The following GRIK2 variants were observed in gnomAD, a reference collection of about 807,000 sequenced individuals.
The protein encoded by GRIK2 is glutamate receptor ionotropic, kainate 2.
GRIK2 carries 32 observed loss-of-function variants against 100.3 expected under a neutral mutation model. The ratio of observed to expected loss-of-function variants is 0.32; its 90% confidence interval spans 0.24 to 0.43. The LOEUF (loss-of-function observed/expected upper bound fraction) is 0.43. Ranked by LOEUF, GRIK2 falls within the 20% of genes least tolerant of loss-of-function variation. GRIK2 has a pLI of 1.00. For synonymous variants in GRIK2, 417 were observed against 389.4 expected, an observed-to-expected ratio of 1.07 and a Z score of -0.83; for missense variants, 843 against 1,114.9, an observed-to-expected ratio of 0.76 and a Z score of 3.47.
chr6:101,564,620 T>C (rs1269793261), intron 2 of GRIK2, among the ~76,000 whole-genome samples: 1 of 152,152 alleles, frequency 6.6e-6, no homozygotes, highest in African/African-American at 2.4e-5. Context: ...TCTCATTTTC[T>C]ACCAGACACT....
At chr6:101,700,429 T>C (rs1374740909) in intron 7 of GRIK2, among the ~76,000 whole-genome samples, 1 of 151,896 alleles carries the variant, frequency 6.6e-6, no homozygotes, top group Non-Finnish European at 1.5e-5. Flanking sequence ...AGGAAGGCCA[T>C]TTAGGAAGAA....
At chr6:101,709,475 G>T (rs925562745) in intron 7 of GRIK2, among the ~76,000 whole-genome samples, 10 of 151,838 alleles carry the variant, frequency 6.6e-5, no homozygotes, top group Middle Eastern at 3.4e-3. Flanking sequence ...AAATTACAAA[G>T]ATACCTAATA....
chr6:101,558,965 C>A (rs903694902), intron 2 of GRIK2, among the ~76,000 whole-genome samples: 5 of 151,906 alleles, frequency 3.3e-5, no homozygotes, highest in African/African-American at 4.8e-5. Flanking sequence ...TTTCTGTATT[C>A]TTTATCTCGT....
chr6:101,764,534 T>A (rs1298423580), intron 7 of GRIK2, among the ~76,000 whole-genome samples: 3 of 152,182 alleles, frequency 2.0e-5, no homozygotes, highest in Non-Finnish European at 4.4e-5. Context: ...AGTGTATTTC[T>A]AATAGCATTT....
At chr6:101,451,895 A>G (rs569554291) in intron 2 of GRIK2, among the ~76,000 whole-genome samples, 1 of 151,738 alleles carries the variant, frequency 6.6e-6, no homozygotes, top group Non-Finnish European at 1.5e-5. Context: ...TGGATATCCA[A>G]CGTTAAGGTA....
At chr6:101,430,119 G>A (rs113724183) in intron 2 of GRIK2, among the ~76,000 whole-genome samples, 2,748 of 152,098 alleles carry the variant, frequency 0.018, 39 homozygotes, top group Middle Eastern at 0.045. Context: ...ACCAAACCAC[G>A]GACTTTTCTT....
chr6:101,872,696 T>C (rs1344365307), intron 11 of GRIK2, among the ~76,000 whole-genome samples: 1 of 151,912 alleles, frequency 6.6e-6, no homozygotes, highest in Non-Finnish European at 1.5e-5. Context: ...TGTACTCACC[T>C]CACATTGTAT....
intron 10 of GRIK2, among the ~76,000 whole-genome samples, chr6:101,824,418 G>C (rs1782180225): frequency 6.6e-6 from 1 of 152,002 alleles, no homozygotes; most frequent in African/African-American, 2.4e-5. Flanking sequence ...ACTTCACTTA[G>C]AATAATGGTC....
intron 14 of GRIK2, among the ~76,000 whole-genome samples, chr6:102,012,709 T>C (rs1246910486): frequency 6.6e-6 from 1 of 152,122 alleles, no homozygotes; most frequent in African/African-American, 2.4e-5. Flanking sequence ...CCTAAAACCT[T>C]GTTCTAATTG....
At chr6:101,735,303 T>A (rs1328631649) in intron 7 of GRIK2, among the ~76,000 whole-genome samples, 1 of 152,122 alleles carries the variant, frequency 6.6e-6, no homozygotes, top group East Asian at 1.9e-4. Flanking sequence ...ACCATCAACT[T>A]TTTTTTGGCT....
intron 2 of GRIK2, among the ~76,000 whole-genome samples, chr6:101,485,061 T>C (rs1772746694): frequency 6.6e-6 from 1 of 152,178 alleles, no homozygotes; most frequent in Non-Finnish European, 1.5e-5. Flanking sequence ...CAAAGTACAA[T>C]GACAACAACC....
At chr6:101,478,279 C>T (rs1220419988) in intron 2 of GRIK2, among the ~76,000 whole-genome samples, 1 of 151,868 alleles carries the variant, frequency 6.6e-6, no homozygotes, top group Non-Finnish European at 1.5e-5. Flanking sequence ...AAAAGACAAA[C>T]AAAATCTTAA....
chr6:101,646,475 A>C (rs970920741), intron 4 of GRIK2, among the ~76,000 whole-genome samples: 5 of 151,952 alleles, frequency 3.3e-5, no homozygotes, highest in African/African-American at 7.2e-5. Flanking sequence ...AATATGTATT[A>C]TCTTGACTAT....
At chr6:101,676,083 C>T (rs1239190587) in intron 4 of GRIK2, among the ~76,000 whole-genome samples, 2 of 152,076 alleles carry the variant, frequency 1.3e-5, no homozygotes, top group African/African-American at 4.8e-5. Flanking sequence ...ACAAGGCCCT[C>T]TAAGGCATTA....
At chr6:101,476,323 AT>A (rs990715888) in intron 2 of GRIK2, among the ~76,000 whole-genome samples, 1 of 152,026 alleles carries the variant, frequency 6.6e-6, no homozygotes, top group Non-Finnish European at 1.5e-5. Flanking sequence ...CCACCAATCT[AT>A]TATTTTTACT....
In GRIK2 at chr6:101,908,036, T is replaced by G. The variant is rs1292205904; in HGVS notation, c.1749-16565T>G. On this transcript the variant is annotated intron_variant, in intron 12 of 16. Coordinates refer to ENST00000369134, the MANE Select transcript of GRIK2 (RefSeq NM_021956.5). ...ATTTCCCCTTTCTTTCTCTTCCTAC[T>G]GTTTCAGTAGTTACTGATAGGAGCT... Among the ~76,000 whole-genome samples, 13 of 151,770 alleles carry G rather than the reference T, an allele frequency of 8.6e-5. No homozygotes were observed. The East Asian group carries it at 2.5e-3, about 29-fold the overall frequency.
At chr6:102,017,771 A>T (rs62423082) in intron 14 of GRIK2, among the ~76,000 whole-genome samples, 41,231 of 151,916 alleles carry the variant, frequency 0.27, 5,987 homozygotes, top group East Asian at 0.34. Flanking sequence ...CCATTGTTGT[A>T]TTCTCAAGTT....
intron 9 of GRIK2, among the ~76,000 whole-genome samples, chr6:101,815,292 AATCTCATGACAATTAAT>A (rs1380962495): frequency 6.6e-6 from 1 of 152,196 alleles, no homozygotes; most frequent in African/African-American, 2.4e-5. Context: ...CATATTTTAT[AATCTCATGACAATTAAT>A]ATGCATTCTT....
At chr6:101,777,759 G>T (rs1350290041) in intron 7 of GRIK2, among the ~76,000 whole-genome samples, 2 of 152,154 alleles carry the variant, frequency 1.3e-5, no homozygotes, top group African/African-American at 2.4e-5. Context: ...GTTCCAGAAT[G>T]GATCTGCCAC....
Sources: allele counts gnomAD v4.1 joint callset (sites outside exome capture counted in the v4.1 genomes callset), GRCh38; gene constraint gnomAD v4.1.1; transcripts MANE v1.5; gene names NCBI Gene and HGNC (gene_info 2026-07-23, HGNC 2026-07-21).